CSMD1: variants seen among roughly 807,000 people sequenced by gnomAD.
CSMD1 encodes CUB and Sushi multiple domains 1.
A neutral mutation model predicts 417.5 loss-of-function variants in CSMD1; 213 were observed. That is an observed-to-expected ratio of 0.51 (90% CI 0.46 to 0.57). The LOEUF is 0.57. CSMD1 is among the 20% of genes least tolerant of loss of function. The pLI, the probability that CSMD1 is intolerant of heterozygous loss-of-function variation, is 0.00. For synonymous variants in CSMD1, 2,862 were observed against 1,736.8 expected (o/e 1.65, Z -16.11); for missense variants, 6,923 against 4,529.7 (o/e 1.53, Z -15.17).
At chr8:4,668,464 A>ATTG (rs1805088176) in intron 1 of CSMD1, among the ~76,000 whole-genome samples, 1 of 139,472 alleles carries the variant, frequency 7.2e-6, no homozygotes, top group African/African-American at 2.7e-5. Flanking sequence ...TATTATTATT[A>ATTG]TTTGAGATGG....
chr8:2,964,276 C>T (rs564501001), intron 59 of CSMD1, among the ~76,000 whole-genome samples: 1 of 152,326 alleles, frequency 6.6e-6, no homozygotes, highest in African/African-American at 2.4e-5. Flanking sequence ...CATGTGCACA[C>T]CCAAAAGTTG....
chr8:3,856,075 G>A (rs1293823061), intron 5 of CSMD1, among the ~76,000 whole-genome samples: 1 of 151,976 alleles, frequency 6.6e-6, no homozygotes, highest in African/African-American at 2.4e-5. Context: ...GTTTGGATCT[G>A]TGTTCCCACC....
chr8:4,584,033 G>C (rs971169042), intron 2 of CSMD1, among the ~76,000 whole-genome samples: 3 of 151,614 alleles, frequency 2.0e-5, no homozygotes, highest in African/African-American at 7.3e-5. Context: ...CGCCTTAAGA[G>C]CTATAACACT....
rs1174772294 is a variant in CSMD1 at position 3,142,480 on chromosome 8, T to G, written c.6226A>C (p.Lys2076Gln). Residue 2076 changes from lysine to glutamine, a missense_variant, in exon 41 of 70, where the codon AAA (lysine) becomes CAA (glutamine). Transcript: ENST00000635120. The stretch of plus-strand genomic sequence containing the variant: ...TGTTCCATACCTTGGTAAGCAAGTT[T>G]AAATCCTTGCCGGTTTTGCGAATGG... ...SDHSQNRQGF[K>Q]LAYQAYELQN... The G allele has an allele frequency of 1.2e-6, 2 of 1,613,598 alleles. No individual in the cohort carries two copies. Among genetic ancestry groups the G allele is most frequent in the African/African-American group, 2.7e-5 (2 of 74,940 alleles).
chr8:3,420,029 A>C (rs1280818307), intron 12 of CSMD1, among the ~76,000 whole-genome samples: 3 of 152,190 alleles, frequency 2.0e-5, no homozygotes, highest in Non-Finnish European at 4.4e-5. Context: ...GCCAATGCAC[A>C]GTGCCTAAAT....
At chr8:3,648,629 T>C (rs937092346) in intron 7 of CSMD1, among the ~76,000 whole-genome samples, 2 of 152,216 alleles carry the variant, frequency 1.3e-5, no homozygotes, top group African/African-American at 4.8e-5. Flanking sequence ...CGAGTTTCTC[T>C]AGAGCATAAC....
At chr8:4,903,194 T>A (rs1414781626) in intron 1 of CSMD1, among the ~76,000 whole-genome samples, 1 of 152,212 alleles carries the variant, frequency 6.6e-6, no homozygotes, top group Non-Finnish European at 1.5e-5. Flanking sequence ...ATTTGTTATT[T>A]AGTTTTAAAA....
chr8:2,998,533 A>G (rs1807115328), intron 53 of CSMD1, among the ~76,000 whole-genome samples: 1 of 152,240 alleles, frequency 6.6e-6, no homozygotes. Context: ...TGTATTAATC[A>G]TGAGTTTTGA....
intron 51 of CSMD1, among the ~76,000 whole-genome samples, chr8:3,027,395 G>T (rs1018865469): frequency 6.6e-6 from 1 of 152,124 alleles, no homozygotes; most frequent in African/African-American, 2.4e-5. Context: ...GTTTTTATGA[G>T]AAAACAAGGA....
chr8:3,526,674 A>G (rs1369770338), intron 10 of CSMD1, among the ~76,000 whole-genome samples: 2 of 152,206 alleles, frequency 1.3e-5, no homozygotes, highest in African/African-American at 2.4e-5. Context: ...GCCCGGATGC[A>G]AAATAAAAGA....
At chr8:4,118,334 A>G (rs550869508) in intron 3 of CSMD1, among the ~76,000 whole-genome samples, 2 of 152,244 alleles carry the variant, frequency 1.3e-5, no homozygotes, top group African/African-American at 4.8e-5. Context: ...TAAAAATAGA[A>G]GCTTTGCAAT....
chr8:3,049,922 A>C (rs923967108), intron 50 of CSMD1, among the ~76,000 whole-genome samples: 5 of 152,202 alleles, frequency 3.3e-5, no homozygotes, highest in Middle Eastern at 3.4e-3. Flanking sequence ...TGTGAACCTA[A>C]AACTACTCTC....
intron 26 of CSMD1, among the ~76,000 whole-genome samples, chr8:3,233,336 C>T (rs1798957045): frequency 6.6e-6 from 1 of 152,280 alleles, no homozygotes; most frequent in East Asian, 1.9e-4. Flanking sequence ...ATGCTCAGCC[C>T]CTCGCCAGGC....
chr8:4,926,288 T>G (rs1045614096), intron 1 of CSMD1, among the ~76,000 whole-genome samples: 2 of 152,324 alleles, frequency 1.3e-5, no homozygotes. Flanking sequence ...ATGAATTTTT[T>G]TTGGTTCTAA....
intron 1 of CSMD1, among the ~76,000 whole-genome samples, chr8:4,813,702 C>T (rs1166503194): frequency 6.6e-6 from 1 of 152,136 alleles, no homozygotes; most frequent in Non-Finnish European, 1.5e-5. Flanking sequence ...CAAGAATCCT[C>T]AGTAATTCAA....
At chr8:4,853,202 A>G (rs1442870481) in intron 1 of CSMD1, among the ~76,000 whole-genome samples, 3 of 152,198 alleles carry the variant, frequency 2.0e-5, no homozygotes, top group Non-Finnish European at 4.4e-5. Flanking sequence ...GCTAGCCAAG[A>G]CAATGGGATA....
chr8:4,361,768 A>C (rs1276870023), intron 3 of CSMD1, among the ~76,000 whole-genome samples: 2 of 152,138 alleles, frequency 1.3e-5, no homozygotes, highest in Non-Finnish European at 2.9e-5. Context: ...ATCCTGGCTA[A>C]CACGGTGAAA....
chr8:2,940,142 A>G (rs886852688), intron 69 of CSMD1, among the ~76,000 whole-genome samples: 2 of 152,338 alleles, frequency 1.3e-5, no homozygotes, highest in African/African-American at 4.8e-5. Flanking sequence ...GAGCCTGAGA[A>G]GCCAGTGTAG....
intron 2 of CSMD1, among the ~76,000 whole-genome samples, chr8:4,608,621 T>G (rs1801005649): frequency 6.6e-6 from 1 of 152,242 alleles, no homozygotes; most frequent in Non-Finnish European, 1.5e-5. Flanking sequence ...TCATTTTCGC[T>G]AGCAATGCCC....
Sources: allele counts gnomAD v4.1 joint callset (sites outside exome capture counted in the v4.1 genomes callset), GRCh38; gene constraint gnomAD v4.1.1; transcripts MANE v1.5; gene names NCBI Gene and HGNC (gene_info 2026-07-23, HGNC 2026-07-21).